Variants in GNAZ observed in about 807,000 individuals in gnomAD.
GNAZ encodes guanine nucleotide-binding protein G(z) subunit alpha.
A neutral mutation model predicts 25.4 loss-of-function variants in GNAZ; 3 were observed. The observed-to-expected ratio is 0.12, with a 90% CI of 0.05 to 0.30. GNAZ has a LOEUF of 0.30. Among genes scored for constraint, GNAZ ranks in the 10% least tolerant of loss-of-function variants. The pLI is 1.00. For synonymous variants in GNAZ, 211 were observed against 205.7 expected, an observed-to-expected ratio of 1.03 and a Z score of -0.22; for missense variants, 241 against 501.8, an observed-to-expected ratio of 0.48 and a Z score of 4.97.
intron 2 of GNAZ, among the ~76,000 whole-genome samples, chr22:23,101,138 T>C (rs568747379): frequency 2.6e-5 from 4 of 152,282 alleles, no homozygotes; most frequent in South Asian, 2.1e-4. Flanking sequence ...CTCCCCAGCA[T>C]ACCAGGGCTT....
At chr22:23,098,158 C>T (rs903409551) in intron 2 of GNAZ, among the ~76,000 whole-genome samples, 1 of 152,236 alleles carries the variant, frequency 6.6e-6, no homozygotes, top group Admixed American at 6.5e-5. Context: ...CACCTTGCTG[C>T]CTCTCTCTCC....
At chr22:23,076,569 G>A (rs1202324624) in intron 1 of GNAZ, among the ~76,000 whole-genome samples, 1 of 152,180 alleles carries the variant, frequency 6.6e-6, no homozygotes, top group Non-Finnish European at 1.5e-5. Flanking sequence ...GCTGGGCCCC[G>A]TCAGGCCCAA....
At chr22:23,097,248 G>T (rs1036094006) in intron 2 of GNAZ, among the ~76,000 whole-genome samples, 5 of 152,216 alleles carry the variant, frequency 3.3e-5, no homozygotes, top group Admixed American at 3.3e-4. Flanking sequence ...GATGCTGGGA[G>T]ACAAGGGCTC....
At chr22:23,109,944 G>A (rs2069599595) in intron 2 of GNAZ, among the ~76,000 whole-genome samples, 1 of 152,182 alleles carries the variant, frequency 6.6e-6, no homozygotes, top group South Asian at 2.1e-4. Context: ...ACTGGCTCCA[G>A]GGACAGACAG....
In GNAZ at chr22:23,119,805, G is replaced by T. The variant is rs559978098; in HGVS notation, c.724-3282G>T. On this transcript the variant is annotated intron_variant, in intron 2 of 2. Transcript: ENST00000615612. ...CTGCAGGCTTTCCTGACTCCTGCCAGACAGGGCCCAGCCAAGAAACAAGAC... is the reference window on the plus strand; with the variant it reads ...CTGCAGGCTTTCCTGACTCCTGCCATACAGGGCCCAGCCAAGAAACAAGAC... Among the ~76,000 whole-genome samples the T allele has an allele frequency of 4.6e-5, 7 of 152,332 alleles. No individual in the cohort carries two copies. The South Asian group carries it at 1.5e-3, about 32-fold the overall frequency.
Position 23,123,203 on chromosome 22 carries a change from C to G in GNAZ, c.840C>G (p.Arg280=), listed in dbSNP as rs762162883. 3 of 1,614,052 alleles carry G rather than the reference C, an allele frequency of 1.9e-6. No individual in the cohort carries two copies. In the East Asian group the frequency reaches 6.7e-5, roughly 36 times the overall value. The change falls in exon 3 of 3, where the codon CGC becomes CGG. Residue 280 remains arginine, a synonymous_variant. Transcript: ENST00000615612. ...AGGACCTGCTGGCAGAGAAGATCCG[C>G]CGCATCCCGCTCACCATCTGCTTTC... ...NKKDLLAEKI[R]RIPLTICFPE...
chr22:23,072,369 G>A (rs1350356980), intron 1 of GNAZ, among the ~76,000 whole-genome samples: 1 of 152,174 alleles, frequency 6.6e-6, no homozygotes, highest in Non-Finnish European at 1.5e-5. Context: ...TCATTCTCTA[G>A]GAATGAGGAG....
At chr22:23,120,987 C>T (rs150354372) in intron 2 of GNAZ, among the ~76,000 whole-genome samples, 35 of 152,354 alleles carry the variant, frequency 2.3e-4, no homozygotes, top group African/African-American at 8.2e-4. Context: ...TCTGTTACCA[C>T]AGTCCTCTAT....
At chr22:23,093,638 C>T (rs1264719340) in intron 1 of GNAZ, among the ~76,000 whole-genome samples, 3 of 152,238 alleles carry the variant, frequency 2.0e-5, no homozygotes, top group African/African-American at 7.2e-5. Flanking sequence ...ACGCTTTACT[C>T]TTCACAGATA....
In GNAZ at chr22:23,095,253, G is replaced by A. The variant is rs1601790906; in HGVS notation, c.-443G>A. ...TTTTCTCTGTGTTTGGCAGGTGAAG[G>A]GCTGGATGCACAGTGGGAGCCGGAG... is the stretch of plus-strand genomic sequence containing the variant. On this transcript the variant is annotated 5_prime_UTR_variant, in exon 2 of 3. Coordinates refer to ENST00000615612, the MANE Select transcript of GNAZ (RefSeq NM_002073.4). The A allele has an allele frequency of 5.4e-6, 1 of 184,662 alleles. No individual in the cohort carries two copies. The highest frequency in any genetic ancestry group is 1.5e-4 in the East Asian group (1 of 6,684). 11.4% of individuals were successfully genotyped at this position (184,662 alleles called of 1,614,324 possible).
At chr22:23,097,558 G>A (rs1219221537) in intron 2 of GNAZ, among the ~76,000 whole-genome samples, 2 of 152,246 alleles carry the variant, frequency 1.3e-5, no homozygotes, top group Non-Finnish European at 2.9e-5. Context: ...GTGCCTGGGG[G>A]AAACGAATGA....
At chr22:23,079,616 T>C (rs1334958939) in intron 1 of GNAZ, among the ~76,000 whole-genome samples, 1 of 152,174 alleles carries the variant, frequency 6.6e-6, no homozygotes, top group African/African-American at 2.4e-5. Context: ...CTCTGCCTCA[T>C]TTTTACAAGG....
At chr22:23,111,847 G>A (rs934739412) in intron 2 of GNAZ, among the ~76,000 whole-genome samples, 6 of 152,208 alleles carry the variant, frequency 3.9e-5, no homozygotes, top group South Asian at 2.1e-4. Flanking sequence ...CTCAGATCCC[G>A]GTGGCAGTGG....
In GNAZ at chr22:23,091,532, C is replaced by T. The variant is rs556676753; in HGVS notation, c.-449-3715C>T. Among the ~76,000 whole-genome samples the T allele has an allele frequency of 3.3e-5, 5 of 150,548 alleles. No individual in the cohort carries two copies. In the South Asian group the frequency reaches 8.5e-4, roughly 26 times the overall value. ...TACATGCACACACACCGCAATAGAC[C>T]TACACACACACAGGGAGCTATGCAT... is the stretch of plus-strand genomic sequence containing the variant. On this transcript the variant is annotated intron_variant, in intron 1 of 2. Transcript: ENST00000615612.
chr22:23,098,440 C>T (rs1262197501), intron 2 of GNAZ, among the ~76,000 whole-genome samples: 3 of 152,244 alleles, frequency 2.0e-5, no homozygotes, highest in Admixed American at 2.0e-4. Flanking sequence ...AGCTTTCCCT[C>T]TCCCAGGCCT....
chr22:23,080,055 T>C (rs946494766), intron 1 of GNAZ, among the ~76,000 whole-genome samples: 1 of 152,200 alleles, frequency 6.6e-6, no homozygotes, highest in East Asian at 1.9e-4. Flanking sequence ...GCCAGGAGCC[T>C]GGGGCTACGG....
intron 2 of GNAZ, among the ~76,000 whole-genome samples, chr22:23,111,343 G>C (rs1390394901): frequency 1.3e-5 from 2 of 152,232 alleles, no homozygotes; most frequent in African/African-American, 4.8e-5. Flanking sequence ...TCCAAGCCCA[G>C]GCCAGGGGAG....
chr22:23,087,801 C>A (rs1292602254), intron 1 of GNAZ, among the ~76,000 whole-genome samples: 1 of 152,188 alleles, frequency 6.6e-6, no homozygotes, highest in Non-Finnish European at 1.5e-5. Flanking sequence ...GTTTATTGAT[C>A]TGGGTGGGGC....
intron 1 of GNAZ, among the ~76,000 whole-genome samples, chr22:23,077,302 C>T (rs887935275): frequency 2.6e-5 from 4 of 152,188 alleles, no homozygotes; most frequent in African/African-American, 9.7e-5. Context: ...CAGGTCATTG[C>T]TTGCTGACTG....
Sources: gnomAD v4.1 joint callset for allele counts (sites outside exome capture counted in the v4.1 genomes callset) on GRCh38, gnomAD v4.1.1 for gene constraint, MANE v1.5 for transcripts, NCBI Gene and HGNC (gene_info 2026-07-23, HGNC 2026-07-21) for gene names.